The following SLC36A4 variants were observed in gnomAD, a reference collection of about 807,000 sequenced individuals.
SLC36A4 encodes the protein solute carrier family 36 member 4.
Under a neutral mutation model 50.5 loss-of-function variants are expected in SLC36A4, and 49 were observed. The observed-to-expected ratio is 0.97, with a 90% CI of 0.77 to 1.23. The LOEUF is 1.23. SLC36A4 is among the 50% of genes most tolerant of loss of function. The probability of loss-of-function intolerance (pLI) is 0.00; values close to 1 mark genes in which losing one functional copy is unlikely to be tolerated. For missense variants in SLC36A4, 611 were observed against 608.4 expected (o/e 1.00, Z -0.05); for synonymous variants, 207 against 206.5 (o/e 1.00, Z -0.02).
chr11:93,166,939 A>G (rs1239429682), intron 7 of SLC36A4: 1 of 152,180 alleles, frequency 6.6e-6, no homozygotes, highest in Non-Finnish European at 1.5e-5. Flanking sequence ...TTCAATGCTA[A>G]ACTATTATTT....
intron 6 of SLC36A4, chr11:93,171,418 TTAACATATTGGAAG>T (rs1334778554): frequency 6.6e-6 from 1 of 152,060 alleles, no homozygotes; most frequent in Non-Finnish European, 1.5e-5. Context: ...TGATTAACAA[TTAACATATTGGAAG>T]TGACAGAGAT....
chr11:93,185,684 C>A lies in SLC36A4; in HGVS notation c.179+7G>T. 5.1e-6 allele frequency: 8 copies of A among 1,578,682 alleles called. No homozygotes were observed. Among genetic ancestry groups the A allele is most frequent in the Non-Finnish European group, 6.8e-6 (8 of 1,169,390 alleles). ...AGAAAAGGAGACTTATAAACCATAA[C>A]ACTTACGAAATGCCCTCTTGATCAT... On this transcript the variant is annotated splice_region_variant and intron_variant, in intron 2 of 10. Transcript: ENST00000326402.
At chr11:93,195,038 T>G (rs981981576) in intron 1 of SLC36A4, among the ~76,000 whole-genome samples, 1 of 151,936 alleles carries the variant, frequency 6.6e-6, no homozygotes, top group Non-Finnish European at 1.5e-5. Context: ...GGAGCTTTCC[T>G]TAGGGCTGCT....
intron 9 of SLC36A4, among the ~76,000 whole-genome samples, chr11:93,156,416 ACTTTTTTTTTT>A (rs1218620209): frequency 1.4e-5 from 2 of 147,942 alleles, no homozygotes; most frequent in Admixed American, 6.7e-5. Context: ...TCCTTTGCCC[ACTTTTTTTTTT>A]CTTTTTTTTT....
At position 93,197,834 on chromosome 11, in the gene SLC36A4, T is replaced by C; in HGVS notation, c.-2A>G. 6.4e-7 allele frequency: 1 copy of C among 1,567,212 alleles called. No homozygotes were observed. The highest frequency in any genetic ancestry group is 2.4e-5 in the East Asian group (1 of 41,518). On this transcript the variant is annotated 5_prime_UTR_variant, in exon 1 of 11. Coordinates refer to ENST00000326402, the MANE Select transcript of SLC36A4 (RefSeq NM_152313.4). ...CGCCGGCGTCGCCGCCGCTTCCATC[T>C]CTCGCGGGTCTCCAGGACGCCGCCG...
In SLC36A4 at chr11:93,147,975, G is replaced by C. The variant is rs1436657737; in HGVS notation, c.*562C>G. On this transcript the variant is annotated 3_prime_UTR_variant, in exon 11 of 11. Coordinates refer to ENST00000326402, the MANE Select transcript of SLC36A4 (RefSeq NM_152313.4). ...GAGTGTAAAATTAATTCTAGTGTTT[G>C]CAATTTTCTGATGCTTATATTATGT... 6.6e-6 allele frequency: 1 copy of C among 152,188 alleles called. No individual in the cohort carries two copies. Among genetic ancestry groups the C allele is most frequent in the Non-Finnish European group, 1.5e-5 (1 of 68,196 alleles). The allele number at this position is 152,188 out of a possible 1,614,324, so 9.4% of individuals were successfully genotyped here.
chr11:93,157,697 T>C (rs1205748227), intron 9 of SLC36A4, among the ~76,000 whole-genome samples: 1 of 152,220 alleles, frequency 6.6e-6, no homozygotes, highest in African/African-American at 2.4e-5. Flanking sequence ...GAAATGTTGA[T>C]GTTTTTTGCA....
intron 8 of SLC36A4, among the ~76,000 whole-genome samples, chr11:93,163,477 G>A (rs1471609056): frequency 2.0e-5 from 3 of 152,022 alleles, no homozygotes; most frequent in African/African-American, 7.3e-5. Flanking sequence ...CCTCCATTTA[G>A]GTTTTTCTGA....
intron 9 of SLC36A4, chr11:93,155,611 C>T (rs1465724249): frequency 1.3e-5 from 2 of 151,924 alleles, no homozygotes; most frequent in Admixed American, 6.6e-5. Flanking sequence ...TTCAGGGGTA[C>T]ATGTGCAGGT....
rs562354891 is a variant in SLC36A4, at chr11:93,156,369, G to A, written c.1038-2092C>T. Among the ~76,000 whole-genome samples, 17 of 151,816 alleles carry A rather than the reference G, an allele frequency of 1.1e-4. No individual in the cohort carries two copies. In the East Asian group the frequency reaches 1.7e-3, roughly 16 times the overall value. On this transcript the variant is annotated intron_variant, in intron 9 of 10. Transcript: ENST00000326402. ...ATTTTTTTTTCATATGACTGTTGGC[G>A]GCATGTATGTCTTCTTTTGAGAAGT...
intron 4 of SLC36A4, chr11:93,182,327 A>C: frequency 9.2e-6 from 7 of 761,520 alleles, no homozygotes; most frequent in Non-Finnish European, 1.1e-5. Flanking sequence ...AACAAAAAAG[A>C]GTCAAGACTT....
At chr11:93,157,795 A>G (rs924967821) in intron 9 of SLC36A4, among the ~76,000 whole-genome samples, 7 of 152,298 alleles carry the variant, frequency 4.6e-5, no homozygotes, top group Non-Finnish European at 4.4e-5. Flanking sequence ...GAGATATAGG[A>G]TCATGTCATC....
intron 1 of SLC36A4, 24 bp from the exon 2 acceptor site, chr11:93,185,838 C>T: frequency 3.9e-6 from 6 of 1,552,432 alleles, no homozygotes; most frequent in Non-Finnish European, 5.2e-6. Flanking sequence ...AAACAAAGTA[C>T]TTCACTATTG....
intron 2 of SLC36A4, 72 bp from the exon 3 acceptor site, chr11:93,184,592 ACTAGAAGGGAACTG>A (rs1454348981): frequency 6.8e-6 from 6 of 888,154 alleles, no homozygotes; most frequent in Admixed American, 4.4e-5. Flanking sequence ...TGGTTTTAGT[ACTAGAAGGGAACTG>A]AAAATTAATC....
chr11:93,195,977 C>A (rs2134720129), intron 1 of SLC36A4, among the ~76,000 whole-genome samples: 1 of 152,256 alleles, frequency 6.6e-6, no homozygotes, highest in East Asian at 1.9e-4. Context: ...TGGTTATTGT[C>A]TTTACTGCTT....
At chr11:93,183,722 G>T (rs1339682780) in intron 3 of SLC36A4, among the ~76,000 whole-genome samples, 1 of 150,818 alleles carries the variant, frequency 6.6e-6, no homozygotes, top group Admixed American at 6.6e-5. Context: ...TTTTGAGACA[G>T]AGTCTTGCTC....
chr11:93,197,000 C>A (rs1282119263), intron 1 of SLC36A4, among the ~76,000 whole-genome samples: 3 of 152,206 alleles, frequency 2.0e-5, no homozygotes, highest in African/African-American at 7.2e-5. Context: ...AAGTGCCCTG[C>A]AGGCTATTAG....
intron 6 of SLC36A4, among the ~76,000 whole-genome samples, chr11:93,176,520 G>GTC (rs1469185330): frequency 2.0e-5 from 3 of 151,642 alleles, no homozygotes; most frequent in African/African-American, 7.3e-5. Context: ...TTGCTCATTA[G>GTC]TTGATGCAGT....
chr11:93,197,624 C>A (rs1862484148), intron 1 of SLC36A4, among the ~76,000 whole-genome samples, 154 bp downstream of exon 1: 1 of 152,160 alleles, frequency 6.6e-6, no homozygotes, highest in Non-Finnish European at 1.5e-5. Context: ...GGTCAGATAA[C>A]CGGTTCCTTT....
Sources: allele counts gnomAD v4.1 joint callset (sites outside exome capture counted in the v4.1 genomes callset), GRCh38; gene constraint gnomAD v4.1.1; transcripts MANE v1.5; gene names NCBI Gene and HGNC (gene_info 2026-07-23, HGNC 2026-07-21).